Variants in RAPGEF5 observed in about 807,000 individuals in gnomAD.
RAPGEF5 encodes the protein M-Ras-regulated GEF.
A neutral mutation model predicts 125.2 loss-of-function variants in RAPGEF5; 65 were observed. The ratio of observed to expected loss-of-function variants is 0.52; its 90% confidence interval spans 0.43 to 0.64. The LOEUF is 0.64. RAPGEF5 is among the 30% of genes least tolerant of loss of function. The pLI, the probability that RAPGEF5 is intolerant of heterozygous loss-of-function variation, is 0.00. For synonymous variants in RAPGEF5, 391 were observed against 385.9 expected, an observed-to-expected ratio of 1.01 and a Z score of -0.16; for missense variants, 958 against 1,048.1, an observed-to-expected ratio of 0.91 and a Z score of 1.19.
chr7:22,285,037 G>A (rs80302900), intron 6 of RAPGEF5, among the ~76,000 whole-genome samples: 4,823 of 152,076 alleles, frequency 0.032, 102 homozygotes, highest in African/African-American at 0.048. Context: ...TGCCTTAAAC[G>A]TGCCAGAACG....
chr7:22,339,871 A>G (rs1784093504), intron 1 of RAPGEF5, among the ~76,000 whole-genome samples: 1 of 152,220 alleles, frequency 6.6e-6, no homozygotes, highest in Admixed American at 6.5e-5. Context: ...TAGTTTTGAA[A>G]ATATTATGCT....
intron 7 of RAPGEF5, among the ~76,000 whole-genome samples, chr7:22,254,864 A>C (rs1032990675): frequency 1.3e-5 from 2 of 152,094 alleles, no homozygotes; most frequent in Admixed American, 1.3e-4. Context: ...TGAAAATCGA[A>C]TGCTGCCACT....
At chr7:22,348,896 G>C (rs904336740) in intron 1 of RAPGEF5, among the ~76,000 whole-genome samples, 2 of 152,112 alleles carry the variant, frequency 1.3e-5, no homozygotes, top group African/African-American at 4.8e-5. Flanking sequence ...AGACCAGCCT[G>C]GCCAACGTGG....
intron 8 of RAPGEF5, among the ~76,000 whole-genome samples, chr7:22,222,225 C>T (rs926983715): frequency 2.0e-5 from 3 of 151,984 alleles, no homozygotes; most frequent in Admixed American, 6.6e-5. Flanking sequence ...GACGACAGAG[C>T]GAGAGTCCAT....
intron 25 of RAPGEF5, 61 bp from the exon 26 acceptor site, chr7:22,122,582 C>T: frequency 8.2e-7 from 1 of 1,217,382 alleles, no homozygotes; most frequent in Non-Finnish European, 1.2e-6. Context: ...TATCTACATA[C>T]CAACAAAACC....
chr7:22,250,005 AG>A (rs968854954), intron 7 of RAPGEF5, among the ~76,000 whole-genome samples: 14 of 152,192 alleles, frequency 9.2e-5, no homozygotes, highest in African/African-American at 3.4e-4. Context: ...TATTTAGTCA[AG>A]GGGGGACTTT....
At chr7:22,246,076 T>C (rs1306053936) in intron 7 of RAPGEF5, among the ~76,000 whole-genome samples, 1 of 151,916 alleles carries the variant, frequency 6.6e-6, no homozygotes, top group South Asian at 2.1e-4. Flanking sequence ...AAAGAAATCA[T>C]AGATGACACA....
At chr7:22,265,947 C>G (rs143395313) in intron 7 of RAPGEF5, among the ~76,000 whole-genome samples, 2 of 152,208 alleles carry the variant, frequency 1.3e-5, no homozygotes, top group African/African-American at 4.8e-5. Context: ...TCCTTGCATC[C>G]TCCTTCCCAT....
At chr7:22,258,259 A>G (rs980970334) in intron 7 of RAPGEF5, among the ~76,000 whole-genome samples, 2 of 152,240 alleles carry the variant, frequency 1.3e-5, no homozygotes, top group African/African-American at 2.4e-5. Context: ...GTTGGAAGGC[A>G]GACACTACCC....
rs1037539951 is a variant in RAPGEF5 at position 22,231,684 on chromosome 7, T to C, written c.797-765A>G. ...TTCACACTGACATTCAACACCAAAA[T>C]GTATTTTACATAACTGGGATCCACA... On this transcript the variant is annotated intron_variant, in intron 7 of 25. Coordinates refer to ENST00000665637, the MANE Select transcript of RAPGEF5 (RefSeq NM_012294.5). 2.0e-5 allele frequency among the ~76,000 whole-genome samples: 3 copies of C among 152,166 alleles called. No homozygotes were observed. In the South Asian group the frequency reaches 6.2e-4, roughly 32 times the overall value.
At chr7:22,220,762 C>T (rs1785767026) in intron 8 of RAPGEF5, among the ~76,000 whole-genome samples, 1 of 151,642 alleles carries the variant, frequency 6.6e-6, no homozygotes, top group African/African-American at 2.4e-5. Flanking sequence ...TGAAGTGTTT[C>T]TGCTCAAATT....
Position 22,156,839 on chromosome 7 carries a change from T to C in RAPGEF5, c.1607A>G (p.His536Arg). ...QFSLKENWLQ[H>R]RGTVTETEEI... The stretch of plus-strand genomic sequence containing the variant: ...CTCCGTTTCAGTCACAGTTCCTCTA[T>C]GCTGGAGCCAGTTCTCCTTAAGACT... Residue 536 changes from histidine (H) to arginine (R), a missense_variant, in exon 16 of 26, where the codon CAT becomes CGT. Physicochemically the swap from His to Arg is conservative, Grantham distance 29. Transcript: ENST00000665637. The C allele has an allele frequency of 1.9e-6, 3 of 1,613,968 alleles. No homozygotes were observed. Among genetic ancestry groups the C allele is most frequent in the Non-Finnish European group, 2.5e-6 (3 of 1,179,860 alleles).
intron 7 of RAPGEF5, among the ~76,000 whole-genome samples, chr7:22,244,483 G>A (rs1786425844): frequency 2.6e-5 from 4 of 151,992 alleles, no homozygotes; most frequent in Admixed American, 2.6e-4. Context: ...AACTGCACAT[G>A]TGATCTAGGT....
At chr7:22,335,460 A>C (rs1286711964) in intron 1 of RAPGEF5, among the ~76,000 whole-genome samples, 1 of 152,032 alleles carries the variant, frequency 6.6e-6, no homozygotes, top group Non-Finnish European at 1.5e-5. Context: ...TCATCTTCCC[A>C]CACCTACCTC....
At chr7:22,355,640 C>T (rs912913324) in intron 1 of RAPGEF5, among the ~76,000 whole-genome samples, 2 of 152,144 alleles carry the variant, frequency 1.3e-5, no homozygotes, top group Admixed American at 1.3e-4. Context: ...ATCCTCAGAA[C>T]ATCTTCTGAG....
At chr7:22,160,224 T>C (rs1293929231) in intron 14 of RAPGEF5, among the ~76,000 whole-genome samples, 2 of 152,238 alleles carry the variant, frequency 1.3e-5, no homozygotes, top group East Asian at 3.8e-4. Context: ...AAACAGACTT[T>C]TAAAATTAAG....
chr7:22,305,216 T>A (rs1274973613), intron 5 of RAPGEF5, among the ~76,000 whole-genome samples: 1 of 152,200 alleles, frequency 6.6e-6, no homozygotes, highest in South Asian at 2.1e-4. Context: ...ATAGTACCTG[T>A]CTTATAACAT....
intron 6 of RAPGEF5, among the ~76,000 whole-genome samples, chr7:22,280,433 G>A (rs1420973957): frequency 6.6e-6 from 1 of 152,136 alleles, no homozygotes; most frequent in Non-Finnish European, 1.5e-5. Flanking sequence ...TCAGGTTGGG[G>A]GAAAGGAGAT....
intron 1 of RAPGEF5, among the ~76,000 whole-genome samples, chr7:22,333,960 G>A (rs1783976540): frequency 6.6e-6 from 1 of 151,970 alleles, no homozygotes; most frequent in Admixed American, 6.6e-5. Context: ...GACCCTGAAG[G>A]CAAAGGAGAG....
Sources: gnomAD v4.1 joint callset for allele counts (sites outside exome capture counted in the v4.1 genomes callset) on GRCh38, gnomAD v4.1.1 for gene constraint, MANE v1.5 for transcripts, NCBI Gene and HGNC (gene_info 2026-07-23, HGNC 2026-07-21) for gene names.